VWC2: variants seen among roughly 807,000 people sequenced by gnomAD.
VWC2 encodes the protein brorin.
Under a neutral mutation model 29.8 loss-of-function variants are expected in VWC2, and 14 were observed. The ratio of observed to expected loss-of-function variants is 0.47; its 90% CI spans 0.31 to 0.74. The LOEUF is 0.74. Among genes scored for constraint, VWC2 ranks in the 30% least tolerant of loss-of-function variants. VWC2 has a pLI of 0.05. For missense variants in VWC2, 457 were observed against 459.8 expected (o/e 0.99, Z 0.05); for synonymous variants, 213 against 199.0 (o/e 1.07, Z -0.59).
At chr7:49,904,265 T>C (rs1169029372) in intron 3 of VWC2, among the ~76,000 whole-genome samples, 3 of 152,166 alleles carry the variant, frequency 2.0e-5, no homozygotes, top group African/African-American at 7.2e-5. Flanking sequence ...AGGACTCCCA[T>C]ACCCTCACTA....
intron 2 of VWC2, among the ~76,000 whole-genome samples, chr7:49,778,035 A>C (rs1788088039): frequency 6.7e-6 from 1 of 148,758 alleles, no homozygotes; most frequent in Non-Finnish European, 1.5e-5. Context: ...AATTAGTAGC[A>C]CTTTGATCTA....
chr7:49,876,228 G>A (rs1251252708), intron 3 of VWC2, among the ~76,000 whole-genome samples: 1 of 152,160 alleles, frequency 6.6e-6, no homozygotes, highest in Non-Finnish European at 1.5e-5. Flanking sequence ...GTAAGATACC[G>A]AAATGTTTTG....
intron 2 of VWC2, among the ~76,000 whole-genome samples, chr7:49,796,430 C>G (rs1351415614): frequency 6.6e-6 from 1 of 152,170 alleles, no homozygotes; most frequent in Admixed American, 6.5e-5. Context: ...AGCTCACAAT[C>G]ACAAGCTCCA....
intron 3 of VWC2, among the ~76,000 whole-genome samples, chr7:49,865,078 A>T (rs1790822917): frequency 6.6e-6 from 1 of 152,252 alleles, no homozygotes; most frequent in Non-Finnish European, 1.5e-5. Flanking sequence ...TGTAAATGGA[A>T]TACTTTTCTG....
intron 3 of VWC2, among the ~76,000 whole-genome samples, chr7:49,902,511 G>A (rs1284231689): frequency 1.4e-5 from 2 of 142,898 alleles, no homozygotes; most frequent in African/African-American, 5.1e-5. Flanking sequence ...TTGTTTGCTT[G>A]TTTTTTTAAC....
intron 3 of VWC2, among the ~76,000 whole-genome samples, chr7:49,886,998 T>C (rs752946298): frequency 6.6e-6 from 1 of 152,190 alleles, no homozygotes; most frequent in Non-Finnish European, 1.5e-5. Context: ...CTTTTACCTA[T>C]ATTCAAGGCA....
chr7:49,885,533 A>AAAATTGGCCGGGCACGGTG (rs1791865259), intron 3 of VWC2, among the ~76,000 whole-genome samples: 1 of 151,650 alleles, frequency 6.6e-6, no homozygotes. Flanking sequence ...ATTTTTTCTA[A>AAAATTGGCCGGGCACGGTG]TAACGTTTTT....
chr7:49,833,643 T>G (rs1789587330), intron 3 of VWC2, among the ~76,000 whole-genome samples: 1 of 152,190 alleles, frequency 6.6e-6, no homozygotes, highest in Admixed American at 6.5e-5. Context: ...GGAATACATC[T>G]TCACAAAATG....
At chr7:49,864,954 G>C (rs1032152039) in intron 3 of VWC2, among the ~76,000 whole-genome samples, 1 of 152,158 alleles carries the variant, frequency 6.6e-6, no homozygotes, top group Non-Finnish European at 1.5e-5. Context: ...GACAGTTCCT[G>C]TTTGTTTTTC....
At chr7:49,909,665 C>T (rs1260733228) in intron 3 of VWC2, among the ~76,000 whole-genome samples, 3 of 152,142 alleles carry the variant, frequency 2.0e-5, no homozygotes, top group Non-Finnish European at 4.4e-5. Flanking sequence ...CCCCTGGAAA[C>T]ACAAGACTGG....
intron 2 of VWC2, among the ~76,000 whole-genome samples, chr7:49,786,836 T>C (rs2128702637): frequency 6.6e-6 from 1 of 152,352 alleles, no homozygotes; most frequent in Middle Eastern, 3.4e-3. Context: ...AGTTATTTGT[T>C]ATTTGTTTGC....
intron 3 of VWC2, among the ~76,000 whole-genome samples, chr7:49,819,550 G>A (rs950657292): frequency 6.6e-6 from 1 of 152,144 alleles, no homozygotes; most frequent in African/African-American, 2.4e-5. Flanking sequence ...TTTGTAGTGG[G>A]GAGACCTGTT....
At chr7:49,886,063 G>A (rs999364622) in intron 3 of VWC2, among the ~76,000 whole-genome samples, 1 of 152,248 alleles carries the variant, frequency 6.6e-6, no homozygotes, top group Admixed American at 6.5e-5. Flanking sequence ...GCAAGAGCCT[G>A]GAGATAGGGG....
chr7:49,867,856 T>C (rs2128722279), intron 3 of VWC2, among the ~76,000 whole-genome samples: 1 of 150,956 alleles, frequency 6.6e-6, no homozygotes, highest in East Asian at 1.9e-4. Context: ...TTTTTTGAGG[T>C]GGAGTCTTGC....
At chr7:49,812,114 A>G (rs1466787199) in intron 3 of VWC2, among the ~76,000 whole-genome samples, 3 of 152,234 alleles carry the variant, frequency 2.0e-5, no homozygotes, top group Non-Finnish European at 2.9e-5. Flanking sequence ...GCAAATTTAT[A>G]TAGGAAGAAA....
intron 3 of VWC2, among the ~76,000 whole-genome samples, chr7:49,886,519 G>A (rs1301944618): frequency 6.6e-6 from 1 of 151,884 alleles, no homozygotes; most frequent in Non-Finnish European, 1.5e-5. Flanking sequence ...TTCTTCTTTT[G>A]ATTTTAATTT....
At chr7:49,868,758 C>T (rs560561516) in intron 3 of VWC2, among the ~76,000 whole-genome samples, 117 of 152,282 alleles carry the variant, frequency 7.7e-4, no homozygotes, top group African/African-American at 2.6e-3. Context: ...GATGGGATTA[C>T]AGGCGTGTGC....
At chr7:49,844,830 T>G (rs1324207649) in intron 3 of VWC2, among the ~76,000 whole-genome samples, 2 of 152,064 alleles carry the variant, frequency 1.3e-5, no homozygotes, top group Admixed American at 1.3e-4. Flanking sequence ...GTAGCTGAGA[T>G]TACAGGTGCC....
chr7:49,871,952 CA>C (rs1461375516), intron 3 of VWC2, among the ~76,000 whole-genome samples: 4 of 78,406 alleles, frequency 5.1e-5, no homozygotes, highest in South Asian at 4.7e-4. Context: ...CACACACACA[CA>C]CACACCGAGA....
Sources: allele counts gnomAD v4.1 joint callset (sites outside exome capture counted in the v4.1 genomes callset), GRCh38; gene constraint gnomAD v4.1.1; transcripts MANE v1.5; gene names NCBI Gene and HGNC (gene_info 2026-07-23, HGNC 2026-07-21).